Variants in UBN2 observed in about 807,000 individuals in gnomAD.
The protein encoded by UBN2 is ubinuclein-2.
Under a neutral mutation model 120.2 loss-of-function variants are expected in UBN2, and 35 were observed. That is an observed-to-expected ratio of 0.29 (90% CI 0.22 to 0.39). UBN2 has a LOEUF of 0.39. Ranked by LOEUF, UBN2 falls within the 10% of genes least tolerant of loss-of-function variation. The pLI is 1.00. For missense variants in UBN2, 1,693 were observed against 1,663.2 expected, an observed-to-expected ratio of 1.02 and a Z score of -0.31; for synonymous variants, 661 against 648.7, an observed-to-expected ratio of 1.02 and a Z score of -0.29.
At chr7:139,319,674 C>T in the UBN2 span, among the ~76,000 whole-genome samples, 13 of 152,194 alleles carry the variant, frequency 8.5e-5, no homozygotes, top group African/African-American at 2.9e-4. Context: ...CACGTTCCTG[C>T]TCTCTTTCTG....
In UBN2 at chr7:139,269,420, G is replaced by A. The variant is rs1262647825; in HGVS notation, c.1493G>A (p.Gly498Asp). The change falls in exon 8 of 18, where the codon GGC (glycine) becomes GAC (aspartate). Residue 498 changes from glycine (G) to aspartate (D), a missense_variant. This residue lies in a region of UBN2 where 178 missense variants were observed against 204.0 expected (regional missense o/e 0.87). Coordinates refer to ENST00000473989, the MANE Select transcript of UBN2 (RefSeq NM_173569.4). The part of the protein sequence containing the change: ...LDIELQLQEL[G>D]PVIRSGVYSH... ...ATTGAGTTACAGCTACAAGAACTAG[G>A]CCCTGTCATTCGCAGTGGTGTCTAC... 4 of 1,613,904 alleles carry A rather than the reference G, an allele frequency of 2.5e-6. No homozygotes were observed. The highest frequency in any genetic ancestry group is 2.7e-5 in the African/African-American group (2 of 74,888).
At chr7:139,278,425 G>A (rs989107478) in intron 12 of UBN2, among the ~76,000 whole-genome samples, 8 of 151,812 alleles carry the variant, frequency 5.3e-5, no homozygotes, top group Admixed American at 1.3e-4. Context: ...CACGTGATCC[G>A]CCTGCCTCAG....
intron 15 of UBN2, among the ~76,000 whole-genome samples, chr7:139,288,744 C>A (rs1227652984): frequency 6.6e-6 from 1 of 152,056 alleles, no homozygotes; most frequent in Non-Finnish European, 1.5e-5. Flanking sequence ...TGGCTCATGC[C>A]TGTAAACCCA....
intron 11 of UBN2, 82 bp from the exon 12 acceptor site, chr7:139,276,015 T>C (rs74719948): frequency 0.054 from 61,871 of 1,136,416 alleles, 3,826 homozygotes; most frequent in Admixed American, 0.28. Context: ...CTACTGAAAA[T>C]TAAATTACTT....
the UBN2 span, among the ~76,000 whole-genome samples, chr7:139,316,077 C>CAAAAAAAAAAA: frequency 5.6e-3 from 79 of 14,184 alleles, 16 homozygotes; most frequent in Non-Finnish European, 1.0e-2. Context: ...GACTTCGTCT[C>CAAAAAAAAAAA]AAAAAAAAAA....
chr7:139,284,661 G>T, intron 15 of UBN2, 87 bp downstream of exon 15: 1 of 1,176,196 alleles, frequency 8.5e-7, no homozygotes, highest in Non-Finnish European at 1.2e-6. Context: ...AGCTTTTTAT[G>T]ATATGTGGAT....
At chr7:139,292,634 T>TA (rs1183913033) in intron 15 of UBN2, among the ~76,000 whole-genome samples, 2 of 152,026 alleles carry the variant, frequency 1.3e-5, no homozygotes, top group Non-Finnish European at 2.9e-5. Context: ...AGTGTGGTTA[T>TA]AAAAAAATAA....
chr7:139,266,241 A>AAG, intron 6 of UBN2, 92 bp from the exon 7 acceptor site: 1 of 836,430 alleles, frequency 1.2e-6, no homozygotes, highest in Non-Finnish European at 1.9e-6. Context: ...AAAAAAAAAA[A>AAG]AAAAGAAAAA....
intron 5 of UBN2, among the ~76,000 whole-genome samples, chr7:139,259,608 A>C (rs973735284): frequency 6.6e-6 from 1 of 152,240 alleles, no homozygotes; most frequent in Non-Finnish European, 1.5e-5. Context: ...TTTACCAACA[A>C]GAACCAGTTT....
In UBN2 at chr7:139,305,285, A is replaced by G. The variant is rs901128155; in HGVS notation, c.*7449A>G. 3 of 152,124 alleles carry G rather than the reference A, an allele frequency of 2.0e-5. No homozygotes were observed. The highest frequency in any genetic ancestry group is 4.4e-5 in the Non-Finnish European group (3 of 68,018). The allele number at this position is 152,124 out of a possible 1,614,324, so 9.4% of individuals were successfully genotyped here. ...TGCTACACTAGAATATGAATTGTAT[A>G]TTAGGAGTCTGGGGAGGAAAGGTTA... On this transcript the variant is annotated 3_prime_UTR_variant, in exon 18 of 18. Transcript: ENST00000473989.
rs1796003610 is a variant in UBN2 at position 139,231,434 on chromosome 7, C to T, written c.-51C>T. The T allele has an allele frequency of 1.6e-6, 2 of 1,267,866 alleles. No individual in the cohort carries two copies. The highest frequency in any genetic ancestry group is 4.0e-5 in the Admixed American group (1 of 25,290). 78.5% of individuals were successfully genotyped at this position (1,267,866 alleles called of 1,614,324 possible). ...AAGGGCGGGCAGGCACGCAGCGCGC[C>T]GTAGAAGCGAGCGCCGGCTCGAGCA... is the stretch of plus-strand genomic sequence containing the variant. On this transcript the variant is annotated 5_prime_UTR_variant, in exon 1 of 18. Transcript: ENST00000473989.
At position 139,283,378 on chromosome 7, in the gene UBN2, C is replaced by G; in HGVS notation, c.2473C>G (p.Gln825Glu). The change falls in exon 15 of 18, where the codon CAG (glutamine) becomes GAG (glutamate). Residue 825 changes from glutamine to glutamate, a missense_variant. Gln to Glu is a conservative substitution (Grantham distance 29). Coordinates refer to ENST00000473989, the MANE Select transcript of UBN2 (RefSeq NM_173569.4). ...LATPKKLDST[Q>E]TTHSSSLIAG... ...TACTCCCAAAAAACTAGATTCTACT[C>G]AGACTACACATTCTTCAAGTCTTAT... is the stretch of plus-strand genomic sequence containing the variant. 1 of 1,614,020 alleles carries G rather than the reference C, an allele frequency of 6.2e-7. No individual in the cohort carries two copies. Among genetic ancestry groups the G allele is most frequent in the East Asian group, 2.2e-5 (1 of 44,882 alleles).
In UBN2 at chr7:139,281,903, TGAG is replaced by T. The variant is rs1446722557; in HGVS notation, c.2068-100_2068-98del. ...TTACACTTGTACTTCCAATTGGTAG[TGAG>T]GTTTTTAATCAGGGGTTTTAGAGTA... On this transcript the variant is annotated intron_variant, in intron 13 of 17. Coordinates refer to ENST00000473989, the MANE Select transcript of UBN2 (RefSeq NM_173569.4). 26 of 1,051,950 alleles carry T rather than the reference TGAG, an allele frequency of 2.5e-5. No individual in the cohort carries two copies. The Middle Eastern group carries it at 8.2e-4, about 33-fold the overall frequency. 65.2% of individuals were successfully genotyped at this position (1,051,950 alleles called of 1,614,324 possible). A position where few individuals can be genotyped will look rare whatever the true frequency, so the allele number is the denominator to read the frequency against.
chr7:139,292,468 C>T (rs1223393084), intron 15 of UBN2, among the ~76,000 whole-genome samples: 3 of 152,084 alleles, frequency 2.0e-5, no homozygotes, highest in Non-Finnish European at 4.4e-5. Flanking sequence ...TTGTCTTTTA[C>T]CTCAAGGAGT....
In UBN2 at chr7:139,284,449, G is replaced by A. The variant is rs759073844; in HGVS notation, c.3544G>A (p.Gly1182Arg). ...CAGAGGTAGCAACCTTAACTCAAGC[G>A]GAGCTAATAGGACTAGTCTGTCTGG... ...ASRGSNLNSS[G>R]ANRTSLSGGT... The change falls in exon 15 of 18, where the codon GGA (glycine) becomes AGA (arginine). Residue 1182 changes from glycine to arginine, a missense_variant. By Grantham distance (125) the Gly-to-Arg change is moderately radical (BLOSUM62 -2). Transcript: ENST00000473989. The A allele has an allele frequency of 4.3e-6, 7 of 1,614,026 alleles. No homozygotes were observed. The highest frequency in any genetic ancestry group is 1.6e-4 in the Middle Eastern group (1 of 6,084).
chr7:139,316,290 ATATACT>A, the UBN2 span, among the ~76,000 whole-genome samples: 2 of 152,010 alleles, frequency 1.3e-5, no homozygotes, highest in African/African-American at 2.4e-5. Context: ...TTTAAGTATA[ATATACT>A]TATATTAAGT....
intron 2 of UBN2, among the ~76,000 whole-genome samples, chr7:139,251,279 CTGT>C (rs961072978): frequency 1.3e-5 from 2 of 152,134 alleles, no homozygotes; most frequent in African/African-American, 4.8e-5. Context: ...CCACTGTCCC[CTGT>C]TGTTGACATC....
intron 2 of UBN2, among the ~76,000 whole-genome samples, chr7:139,247,837 C>T (rs1796513064): frequency 4.6e-5 from 7 of 152,110 alleles, no homozygotes; most frequent in Admixed American, 3.9e-4. Context: ...GTGCTGATGC[C>T]TTCCACTTGT....
rs570220775 is a variant in UBN2 at position 139,297,848 on chromosome 7, G to A, written c.*12G>A. On this transcript the variant is annotated 3_prime_UTR_variant, in exon 18 of 18. Coordinates refer to ENST00000473989, the MANE Select transcript of UBN2 (RefSeq NM_173569.4). ...GGAAATCTCAGTGACTGCCCAGCAA[G>A]CAAAGGAGACGAAATGTTTAGTTGA... 6 of 1,614,044 alleles carry A rather than the reference G, an allele frequency of 3.7e-6. No individual in the cohort carries two copies. In the East Asian group the frequency reaches 1.3e-4, roughly 36 times the overall value.
Sources: allele counts gnomAD v4.1 joint callset (sites outside exome capture counted in the v4.1 genomes callset), GRCh38; gene constraint gnomAD v4.1.1; regional missense constraint gnomAD v4.1.1; transcripts MANE v1.5; gene names NCBI Gene and HGNC (gene_info 2026-07-23, HGNC 2026-07-21).